The following USP6NL variants were observed in gnomAD, a reference collection of about 807,000 sequenced individuals.
USP6NL encodes the protein USP6 N-terminal-like protein.
A neutral mutation model predicts 61.9 loss-of-function variants in USP6NL; 26 were observed. That is an observed-to-expected ratio of 0.42 (90% CI 0.31 to 0.58). The LOEUF (loss-of-function observed/expected upper bound fraction) is 0.58, where lower values mean the gene tolerates loss of function less well. Among genes scored for constraint, USP6NL ranks in the 20% least tolerant of loss-of-function variants. USP6NL has a pLI of 0.16. For synonymous variants in USP6NL, 432 were observed against 390.1 expected (o/e 1.11, Z -1.27); for missense variants, 1,114 against 1,034.3 (o/e 1.08, Z -1.06).
At chr10:11,547,791 T>C (rs185527238) in intron 2 of USP6NL, among the ~76,000 whole-genome samples, 25 of 152,206 alleles carry the variant, frequency 1.6e-4, no homozygotes, top group East Asian at 1.4e-3. Flanking sequence ...CCGCCCGCCT[T>C]GGCCTCCCCA....
At position 11,462,895 on chromosome 10, in the gene USP6NL, C is replaced by T. The variant is rs1243798148; in HGVS notation, c.2033G>A (p.Ser678Asn). 5 of 1,613,594 alleles carry T rather than the reference C, an allele frequency of 3.1e-6. No individual in the cohort carries two copies. The highest frequency in any genetic ancestry group is 4.2e-6 in the Non-Finnish European group (5 of 1,179,724). The change falls in exon 15 of 15, where the codon AGT (serine) becomes AAT (asparagine). Residue 678 changes from serine (S) to asparagine (N), a missense_variant. Physicochemically the swap from Ser to Asn is conservative, Grantham distance 46 (BLOSUM62 1). Coordinates refer to ENST00000609104, the MANE Select transcript of USP6NL (RefSeq NM_014688.5). ...RRPHGSTLSV[S>N]ASPEKSYSRP... ...GCTGTAAGATTTCTCCGGAGAAGCA[C>T]TGACGGAAAGAGTAGAACCATGAGG...
intron 2 of USP6NL, among the ~76,000 whole-genome samples, chr10:11,543,500 C>CCA (rs1158898021): frequency 1.3e-5 from 2 of 151,768 alleles, no homozygotes; most frequent in African/African-American, 2.4e-5. Context: ...TGAGATCACG[C>CCA]CACTGCACTC....
In USP6NL at chr10:11,463,842, C is replaced by T. The variant is rs1425028741; in HGVS notation, c.1086G>A (p.Glu362=). The T allele has an allele frequency of 2.1e-6, 3 of 1,459,556 alleles. No homozygotes were observed. The highest frequency in any genetic ancestry group is 5.7e-5 in the Admixed American group (2 of 35,248). The allele number at this position is 1,459,556 out of a possible 1,614,324, so 90.4% of individuals were successfully genotyped here. ...CCAAGGGCTTCTTTGGATATTCATCCTCTTTACCTGAAAAGAAAGAGAAAG... is the reference window on the plus strand; with the variant it reads ...CCAAGGGCTTCTTTGGATATTCATCTTCTTTACCTGAAAAGAAAGAGAAAG... The part of the protein sequence containing the change: ...AKLDLPEPGK[E]DEYPKKPLGQ... The change falls in exon 15 of 15, where the codon GAG becomes GAA. Residue 362 remains glutamate (E), a synonymous_variant. Transcript: ENST00000609104. The surrounding 1 kb of genome is among the most constrained non-coding windows in gnomAD (Gnocchi z 6.3).
intron 2 of USP6NL, among the ~76,000 whole-genome samples, chr10:11,534,152 GC>G (rs1468225637): frequency 6.6e-6 from 1 of 151,856 alleles, no homozygotes; most frequent in Non-Finnish European, 1.5e-5. Flanking sequence ...TGTTGGTTTA[GC>G]CAGAATCCCC....
intron 3 of USP6NL, among the ~76,000 whole-genome samples, chr10:11,526,964 A>G (rs1835446609): frequency 6.6e-6 from 1 of 152,168 alleles, no homozygotes; most frequent in South Asian, 2.1e-4. Context: ...AACGCAACGG[A>G]TATGTAATTC....
intron 2 of USP6NL, among the ~76,000 whole-genome samples, chr10:11,551,586 G>A (rs193019144): frequency 8.8e-4 from 134 of 152,282 alleles, no homozygotes; most frequent in Non-Finnish European, 1.4e-3. Context: ...CCATCGCAGC[G>A]ATGAGAAAAA....
At chr10:11,563,722 TAA>T (rs1555171921) in intron 2 of USP6NL, 4 of 152,170 alleles carry the variant, frequency 2.6e-5, no homozygotes, top group Non-Finnish European at 5.9e-5. Flanking sequence ...AGAGTCTAGG[TAA>T]AGTTTTTCCT....
chr10:11,543,844 G>A (rs1035591441), intron 2 of USP6NL, among the ~76,000 whole-genome samples: 13 of 112,032 alleles, frequency 1.2e-4, no homozygotes, highest in African/African-American at 3.4e-4. Flanking sequence ...ATGGAGTCTC[G>A]CTGTGTCACC....
rs555838491 is a variant in USP6NL at position 11,595,870 on chromosome 10, G to T, written c.4+1761C>A. 2.0e-5 allele frequency among the ~76,000 whole-genome samples: 3 copies of T among 152,238 alleles called. No individual in the cohort carries two copies. The South Asian group carries it at 6.2e-4, about 32-fold the overall frequency. On this transcript the variant is annotated intron_variant, in intron 2 of 14. Transcript: ENST00000609104. This position sits in a 1 kb window ranked among gnomAD's most constrained non-coding sequence, Gnocchi z 5.3. The stretch of plus-strand genomic sequence containing the variant: ...AATTGTTTTAAGTGGACATGAAAAA[G>T]AATTAGTGGATTAGTGGATATAAAG...
At chr10:11,556,577 A>G (rs1371045916) in intron 2 of USP6NL, among the ~76,000 whole-genome samples, 7 of 152,230 alleles carry the variant, frequency 4.6e-5, no homozygotes, top group Non-Finnish European at 8.8e-5. Flanking sequence ...AAAGAATGGG[A>G]AAGTTATATA....
intron 2 of USP6NL, among the ~76,000 whole-genome samples, chr10:11,566,659 A>G (rs574501120): frequency 1.3e-5 from 2 of 152,382 alleles, no homozygotes; most frequent in Admixed American, 6.5e-5. Context: ...GTGGCTATTG[A>G]GTACTTAATA....
At position 11,574,204 on chromosome 10, in the gene USP6NL, A is replaced by C. The variant is rs1212889041; in HGVS notation, c.4+23427T>G. On this transcript the variant is annotated intron_variant, in intron 2 of 14. Coordinates refer to ENST00000609104, the MANE Select transcript of USP6NL (RefSeq NM_014688.5). The surrounding 1 kb of genome is among the most constrained non-coding windows in gnomAD (Gnocchi z 4.3). ...CCTTGTATTTGAAACGGAAAATAAAATGTGGATAAAAATAAAATCTATCTT... is the reference window on the plus strand; with the variant it reads ...CCTTGTATTTGAAACGGAAAATAAACTGTGGATAAAAATAAAATCTATCTT... Among the ~76,000 whole-genome samples the C allele has an allele frequency of 6.6e-6, 1 of 152,242 alleles. No homozygotes were observed. Among genetic ancestry groups the C allele is most frequent in the African/African-American group, 2.4e-5 (1 of 41,458 alleles).
rs1220769675 is a variant in USP6NL at position 11,596,750 on chromosome 10, C to T, written c.4+881G>A. The stretch of plus-strand genomic sequence containing the variant: ...GTCAAAAATCAAAGACCGTTCCTTA[C>T]AATATTATTCTTAGTAGAAGCACTC... On this transcript the variant is annotated intron_variant, in intron 2 of 14. Transcript: ENST00000609104. The surrounding 1 kb of genome is among the most constrained non-coding windows in gnomAD (Gnocchi z 4.1). 6.6e-6 allele frequency among the ~76,000 whole-genome samples: 1 copy of T among 152,128 alleles called. No individual in the cohort carries two copies. Among genetic ancestry groups the T allele is most frequent in the South Asian group, 2.1e-4 (1 of 4,824 alleles).
At chr10:11,558,096 G>A (rs1444202617) in intron 2 of USP6NL, among the ~76,000 whole-genome samples, 1 of 152,144 alleles carries the variant, frequency 6.6e-6, no homozygotes, top group Non-Finnish European at 1.5e-5. Flanking sequence ...AGATGCACAG[G>A]TACAAAGTAG....
At position 11,518,946 on chromosome 10, in the gene USP6NL, A is replaced by G. The variant is rs1382366020; in HGVS notation, c.156-372T>C. ...GGTACAGATATAGAACATTTCCATC[A>G]CTGCAGAAAGGTCCACTGGACAGCA... On this transcript the variant is annotated intron_variant, in intron 4 of 14. Transcript: ENST00000609104. This position sits in a 1 kb window ranked among gnomAD's most constrained non-coding sequence, Gnocchi z 5.3. Among the ~76,000 whole-genome samples, 3 of 152,250 alleles carry G rather than the reference A, an allele frequency of 2.0e-5. No homozygotes were observed. Among genetic ancestry groups the G allele is most frequent in the East Asian group, 1.9e-4 (1 of 5,204 alleles).
Position 11,574,970 on chromosome 10 carries a change from T to C in USP6NL, c.4+22661A>G, listed in dbSNP as rs984489278. Among the ~76,000 whole-genome samples, 5 of 152,186 alleles carry C rather than the reference T, an allele frequency of 3.3e-5. No individual in the cohort carries two copies. The highest frequency in any genetic ancestry group is 9.7e-5 in the African/African-American group (4 of 41,440). Reference sequence around the variant, plus strand: ...TCTTCAGACACGACGTGCTACACCATGTACATATATACCACCCATAATGTA... The same window carrying C: ...TCTTCAGACACGACGTGCTACACCACGTACATATATACCACCCATAATGTA... On this transcript the variant is annotated intron_variant, in intron 2 of 14. Coordinates refer to ENST00000609104, the MANE Select transcript of USP6NL (RefSeq NM_014688.5). This position sits in a 1 kb window ranked among gnomAD's most constrained non-coding sequence, Gnocchi z 4.3.
chr10:11,468,691 T>C lies in USP6NL; in HGVS notation c.1079-4842A>G, dbSNP rs2133166722. On this transcript the variant is annotated intron_variant, in intron 14 of 14. Transcript: ENST00000609104. The surrounding 1 kb of genome is among the most constrained non-coding windows in gnomAD (Gnocchi z 4.5). The stretch of plus-strand genomic sequence containing the variant: ...ATGCGGAACACCTTTGAGGAAAATG[T>C]TGCCATGGCATGGTCTATTCCTATG... Among the ~76,000 whole-genome samples the C allele has an allele frequency of 6.6e-6, 1 of 152,362 alleles. No homozygotes were observed. Among genetic ancestry groups the C allele is most frequent in the Non-Finnish European group, 1.5e-5 (1 of 68,044 alleles).
At chr10:11,479,181 T>C (rs1833086999) in intron 14 of USP6NL, among the ~76,000 whole-genome samples, 1 of 152,158 alleles carries the variant, frequency 6.6e-6, no homozygotes, top group African/African-American at 2.4e-5. Context: ...ATCCAGCATG[T>C]GGAAAATTCT....
rs1271676059 is a variant in USP6NL at position 11,602,068 on chromosome 10, T to TAC, written c.-83-4352_-83-4351insGT. Among the ~76,000 whole-genome samples, 90 of 152,180 alleles carry TAC rather than the reference T, an allele frequency of 5.9e-4. No individual in the cohort carries two copies. Among genetic ancestry groups the TAC allele is most frequent in the African/African-American group, 2.1e-3 (88 of 41,520 alleles). ...ATATATATACATACATATACATACATATACACACACACACACGTCCAAATA... is the reference window on the plus strand; with the variant it reads ...ATATATATACATACATATACATACATACATACACACACACACACGTCCAAATA... On this transcript the variant is annotated intron_variant, in intron 1 of 14. Transcript: ENST00000609104. The surrounding 1 kb of genome is among the most constrained non-coding windows in gnomAD (Gnocchi z 4.8).
Sources: gnomAD v4.1 joint callset for allele counts (sites outside exome capture counted in the v4.1 genomes callset) on GRCh38, gnomAD v4.1.1 for gene constraint, Gnocchi (gnomAD v3.1) non-coding constraint, MANE v1.5 for transcripts, NCBI Gene and HGNC (gene_info 2026-07-23, HGNC 2026-07-21) for gene names.